RTTN: variants seen among roughly 807,000 people sequenced by gnomAD.
The protein encoded by RTTN is rotatin.
RTTN carries 182 observed loss-of-function variants against 269.2 expected under a neutral mutation model. That is an observed-to-expected ratio of 0.68 (90% CI 0.60 to 0.76). The LOEUF is 0.76. RTTN is among the 30% of genes least tolerant of loss of function. The probability of loss-of-function intolerance (pLI) is 0.00; values close to 1 mark genes in which losing one functional copy is unlikely to be tolerated. For missense variants in RTTN, 2,545 were observed against 2,608.6 expected, an observed-to-expected ratio of 0.98 and a Z score of 0.53; for synonymous variants, 1,006 against 963.5, an observed-to-expected ratio of 1.04 and a Z score of -0.82.
At chr18:70,184,716 T>TTTTGTGTG (rs59000945) in intron 10 of RTTN, among the ~76,000 whole-genome samples, 13 of 33,446 alleles carry the variant, frequency 3.9e-4, no homozygotes, top group East Asian at 1.6e-3. Context: ...TTTTTTTTTT[T>TTTTGTGTG]TGTGTGTGTG....
intron 14 of RTTN, among the ~76,000 whole-genome samples, chr18:70,151,823 T>C (rs1459575910): frequency 6.6e-6 from 1 of 152,188 alleles, no homozygotes; most frequent in Non-Finnish European, 1.5e-5. Flanking sequence ...CTAATCACCA[T>C]ATGACATATT....
intron 18 of RTTN, among the ~76,000 whole-genome samples, chr18:70,142,692 T>C (rs1438269676): frequency 6.6e-6 from 1 of 152,130 alleles, no homozygotes; most frequent in Non-Finnish European, 1.5e-5. Flanking sequence ...CTTTTAATAA[T>C]AGCCATTCTG....
intron 27 of RTTN, among the ~76,000 whole-genome samples, chr18:70,112,137 C>T (rs1431478024): frequency 6.6e-6 from 1 of 152,142 alleles, no homozygotes; most frequent in Non-Finnish European, 1.5e-5. Context: ...GCCTGCCTTA[C>T]AAGAGCTCTT....
At chr18:70,023,815 C>A (rs2056774742) in intron 44 of RTTN, among the ~76,000 whole-genome samples, 1 of 152,206 alleles carries the variant, frequency 6.6e-6, no homozygotes, top group Non-Finnish European at 1.5e-5. Context: ...CAGAGTCTCA[C>A]TCTGTTGCCC....
intron 40 of RTTN, among the ~76,000 whole-genome samples, chr18:70,043,112 T>C (rs2057393236): frequency 6.6e-6 from 1 of 152,166 alleles, no homozygotes; most frequent in Non-Finnish European, 1.5e-5. Context: ...TTAGAAGGAA[T>C]TGGGAAGAGA....
In RTTN at chr18:70,092,204, C is replaced by T; in HGVS notation, c.4049G>A (p.Trp1350Ter). 6.2e-7 allele frequency: 1 copy of T among 1,607,856 alleles called. No homozygotes were observed. The highest frequency in any genetic ancestry group is 8.5e-7 in the Non-Finnish European group (1 of 1,174,700). The change falls in exon 30 of 49, where the codon TGG becomes TAG. Residue 1350 changes from tryptophan to a stop codon, truncating the protein, a stop_gained. Transcript: ENST00000640769. LOFTEE classifies it high-confidence loss of function. ...QAGSLEWMSL[W>*]FLPLGSHSEE... The stretch of plus-strand genomic sequence containing the variant: ...ACTATGACTACCCAAAGGCAAGAAC[C>T]AAAGTGACATCCACTCCTAGAGGGA...
At position 70,128,637 on chromosome 18, in the gene RTTN, C is replaced by T. The variant is rs2059925697; in HGVS notation, c.2955-91G>A. The T allele has an allele frequency of 2.2e-5, 21 of 946,368 alleles. No individual in the cohort carries two copies. The South Asian group carries it at 3.1e-4, about 14-fold the overall frequency. 58.6% of individuals were successfully genotyped at this position (946,368 alleles called of 1,614,324 possible). On this transcript the variant is annotated intron_variant, in intron 23 of 48. Transcript: ENST00000640769. ...CCACAAATGAGGGCTAGTTCAATGC[C>T]TCCCAACCCACAATAATGCAAAGGT...
intron 25 of RTTN, among the ~76,000 whole-genome samples, chr18:70,125,214 G>A (rs1204683531): frequency 6.6e-6 from 1 of 151,972 alleles, no homozygotes; most frequent in African/African-American, 2.4e-5. Flanking sequence ...TTTGTTAATA[G>A]TGATAAATAG....
chr18:70,168,026 T>C (rs1392743777), intron 12 of RTTN, among the ~76,000 whole-genome samples: 1 of 151,210 alleles, frequency 6.6e-6, no homozygotes, highest in East Asian at 2.0e-4. Context: ...CATGTGCCTA[T>C]AGTACTAGTT....
At chr18:70,168,453 G>A (rs575652521) in intron 12 of RTTN, among the ~76,000 whole-genome samples, 196 of 152,166 alleles carry the variant, frequency 1.3e-3, no homozygotes, top group African/African-American at 4.4e-3. Flanking sequence ...ATATATGTAA[G>A]AACTATCTAT....
At chr18:70,162,262 C>T (rs991565585) in intron 14 of RTTN, among the ~76,000 whole-genome samples, 1 of 152,064 alleles carries the variant, frequency 6.6e-6, no homozygotes, top group African/African-American at 2.4e-5. Flanking sequence ...CACAGAAAAA[C>T]CAAATACAGC....
At chr18:70,023,844 G>A (rs1052844539) in intron 44 of RTTN, among the ~76,000 whole-genome samples, 8 of 152,104 alleles carry the variant, frequency 5.3e-5, no homozygotes, top group Admixed American at 2.6e-4. Context: ...GTATAGTGGC[G>A]TGATCTCGGC....
At chr18:70,174,218 T>C (rs2061226829) in intron 11 of RTTN, among the ~76,000 whole-genome samples, 1 of 151,398 alleles carries the variant, frequency 6.6e-6, no homozygotes, top group Non-Finnish European at 1.5e-5. Context: ...CATTTAAAAA[T>C]TTAAGTGTTC....
At chr18:70,181,179 G>A (rs796109579) in intron 10 of RTTN, among the ~76,000 whole-genome samples, 3 of 152,296 alleles carry the variant, frequency 2.0e-5, no homozygotes, top group African/African-American at 7.2e-5. Flanking sequence ...CCTTGATGTT[G>A]AAGTTACCAG....
chr18:70,162,886 G>GAAAAAAAAA (rs5825997), intron 14 of RTTN, among the ~76,000 whole-genome samples: 3 of 50,192 alleles, frequency 6.0e-5, no homozygotes, highest in Non-Finnish European at 1.1e-4. Flanking sequence ...AATAAAAGTT[G>GAAAAAAAAA]AAAAAAAAAA....
intron 43 of RTTN, among the ~76,000 whole-genome samples, chr18:70,025,253 C>T (rs1204051727): frequency 2.0e-5 from 3 of 152,146 alleles, no homozygotes; most frequent in Non-Finnish European, 4.4e-5. Flanking sequence ...TCTCCCTCTC[C>T]TTCTCTCTCT....
rs780369249 is a variant in RTTN, at chr18:70,088,054, C to G, written c.4237G>C (p.Gly1413Arg). ...ATGTTCACCACAGTTCCCCAGAGCC[C>G]ACCGGAAATGTTCTGACAACTGTTT... ...LANSCQNISG[G>R]LWGTVVNILL... Residue 1413 changes from glycine (G) to arginine (R), a missense_variant, in exon 31 of 49, where the codon GGG becomes CGG. Gly to Arg is a moderately radical substitution (Grantham distance 125). Transcript: ENST00000640769. 1 of 1,613,956 alleles carries G rather than the reference C, an allele frequency of 6.2e-7. No homozygotes were observed. The highest frequency in any genetic ancestry group is 2.2e-5 in the East Asian group (1 of 44,874).
At chr18:70,092,533 G>A in intron 29 of RTTN, 143 bp downstream of exon 29, 2 of 862,410 alleles carry the variant, frequency 2.3e-6, no homozygotes, top group Non-Finnish European at 3.5e-6. Flanking sequence ...AAATATTCTA[G>A]TCAAAAATCA....
intron 36 of RTTN, among the ~76,000 whole-genome samples, chr18:70,058,300 T>C (rs2057876358): frequency 6.6e-6 from 1 of 152,166 alleles, no homozygotes; most frequent in Admixed American, 6.5e-5. Flanking sequence ...GTGGATCACC[T>C]GGGGTCAGGA....
Sources: gnomAD v4.1 joint callset for allele counts (sites outside exome capture counted in the v4.1 genomes callset) on GRCh38, gnomAD v4.1.1 for gene constraint, MANE v1.5 for transcripts, NCBI Gene and HGNC (gene_info 2026-07-23, HGNC 2026-07-21) for gene names.